The following GREB1L variants were observed in gnomAD, a reference collection of about 807,000 sequenced individuals.
The protein encoded by GREB1L is GREB1 like retinoic acid receptor coactivator, also known as GREB1-like protein.
In GREB1L, 17 loss-of-function variants were observed where a neutral mutation model predicts 200.8. The ratio of observed to expected loss-of-function variants is 0.08; its 90% confidence interval spans 0.06 to 0.13. GREB1L has a LOEUF of 0.13. Ranked by LOEUF, GREB1L falls within the 10% of genes least tolerant of loss-of-function variation. The probability of loss-of-function intolerance (pLI) is 1.00; values close to 1 mark genes in which losing one functional copy is unlikely to be tolerated. For synonymous variants in GREB1L, 789 were observed against 893.0 expected (o/e 0.88, Z 2.08); for missense variants, 1,657 against 2,367.7 (o/e 0.70, Z 6.23).
At chr18:21,317,514 G>C (rs1283788115) in intron 1 of GREB1L, 1 of 151,616 alleles carries the variant, frequency 6.6e-6, no homozygotes, top group Non-Finnish European at 1.5e-5. Flanking sequence ...CAGGCAGGAG[G>C]ATCACTTGAG....
At chr18:21,464,305 G>A (rs1482778064) in intron 15 of GREB1L, among the ~76,000 whole-genome samples, 4 of 151,960 alleles carry the variant, frequency 2.6e-5, no homozygotes, top group East Asian at 3.9e-4. Context: ...CGAGGGGGGC[G>A]GATCATGAGG....
chr18:21,486,800 A>G (rs772899169), intron 18 of GREB1L, among the ~76,000 whole-genome samples: 7 of 152,132 alleles, frequency 4.6e-5, no homozygotes, highest in South Asian at 4.1e-4. Flanking sequence ...TGATCATCCA[A>G]TGTTGGGGCG....
At chr18:21,456,655 G>A (rs947131950) in intron 15 of GREB1L, among the ~76,000 whole-genome samples, 22 of 152,186 alleles carry the variant, frequency 1.4e-4, no homozygotes, top group African/African-American at 5.3e-4. Context: ...CTTCTTTTTA[G>A]CCTCTCAGTT....
chr18:21,521,226 T>C (rs2037589756), intron 32 of GREB1L, among the ~76,000 whole-genome samples: 1 of 148,180 alleles, frequency 6.7e-6, no homozygotes, highest in African/African-American at 2.5e-5. Context: ...AAATACAAAA[T>C]CAGCCGGGCG....
rs573235226 is a variant in GREB1L at position 21,523,072 on chromosome 18, G to A, written c.*251G>A. On this transcript the variant is annotated 3_prime_UTR_variant, in exon 33 of 33. Coordinates refer to ENST00000424526, the MANE Select transcript of GREB1L (RefSeq NM_001142966.3). ...GCAGTTATGCAATTACTTAAGATAC[G>A]GTCTGCCCATGGGATCCTGAGGAGG... 7 of 364,854 alleles carry A rather than the reference G, an allele frequency of 1.9e-5. No individual in the cohort carries two copies. The highest frequency in any genetic ancestry group is 1.2e-4 in the South Asian group (2 of 16,840). The allele number at this position is 364,854 out of a possible 1,614,324, so 22.6% of individuals were successfully genotyped here. A position where few individuals can be genotyped will look rare whatever the true frequency, so the allele number is the denominator to read the frequency against.
At chr18:21,404,773 A>G (rs2029972225) in intron 7 of GREB1L, among the ~76,000 whole-genome samples, 1 of 152,248 alleles carries the variant, frequency 6.6e-6, no homozygotes, top group Admixed American at 6.5e-5. Context: ...ATCTTAGGCA[A>G]GAAGGAAAGT....
intron 23 of GREB1L, among the ~76,000 whole-genome samples, chr18:21,503,013 A>G (rs998593571): frequency 1.3e-5 from 2 of 152,202 alleles, no homozygotes; most frequent in African/African-American, 2.4e-5. Flanking sequence ...AAGAGGCACA[A>G]TGACACCTTT....
intron 1 of GREB1L, among the ~76,000 whole-genome samples, chr18:21,306,757 T>C (rs528282407): frequency 6.2e-4 from 95 of 152,354 alleles, no homozygotes; most frequent in African/African-American, 2.2e-3. Flanking sequence ...GACAACTTAC[T>C]ATTTCTTTTG....
At chr18:21,342,800 C>A (rs1195815274) in intron 1 of GREB1L, among the ~76,000 whole-genome samples, 2 of 152,108 alleles carry the variant, frequency 1.3e-5, no homozygotes, top group Non-Finnish European at 1.5e-5. Context: ...TTTTCTAATT[C>A]TCCTTGTTTT....
Position 21,505,510 on chromosome 18 carries a change from C to G in GREB1L, c.4171C>G (p.Pro1391Ala). The G allele has an allele frequency of 1.3e-6, 2 of 1,551,610 alleles. No individual in the cohort carries two copies. Among genetic ancestry groups the G allele is most frequent in the Non-Finnish European group, 1.7e-6 (2 of 1,146,940 alleles). Residue 1391 changes from proline (P) to alanine (A), a missense_variant, in exon 24 of 33, where the codon CCC (proline) becomes GCC (alanine). This residue lies in a region of GREB1L where 512 missense variants were observed against 668.3 expected (regional missense o/e 0.77). Transcript: ENST00000424526. ...GCCTTTTGATGTCAGTGTGCATGAC[C>G]CCAAGTACAGTTTGATGAGCCTGGT... ...KMPFDVSVHDPKYSLMSLVYT... is the reference protein window; with the variant it reads ...KMPFDVSVHDAKYSLMSLVYT...
At chr18:21,378,341 G>T (rs2143908752) in intron 2 of GREB1L, among the ~76,000 whole-genome samples, 1 of 151,862 alleles carries the variant, frequency 6.6e-6, no homozygotes, top group East Asian at 1.9e-4. Context: ...TTAAGTCTGG[G>T]GTCAGTTACG....
intron 32 of GREB1L, among the ~76,000 whole-genome samples, chr18:21,521,247 T>C (rs2037590302): frequency 6.6e-6 from 1 of 151,858 alleles, no homozygotes; most frequent in African/African-American, 2.4e-5. Flanking sequence ...TGGTGGCTCC[T>C]GTAATCCCAG....
intron 11 of GREB1L, 142 bp from the exon 12 acceptor site, chr18:21,449,368 G>A: frequency 1.8e-6 from 1 of 563,858 alleles, no homozygotes; most frequent in South Asian, 2.6e-5. Flanking sequence ...CTCTATACTT[G>A]TGACCACTCC....
chr18:21,459,975 AC>A (rs2145546770), intron 15 of GREB1L, among the ~76,000 whole-genome samples: 1 of 152,274 alleles, frequency 6.6e-6, no homozygotes, highest in Admixed American at 6.5e-5. Context: ...CACCACAGCC[AC>A]AATGACTGCC....
At chr18:21,381,111 G>A (rs1228720252) in intron 2 of GREB1L, among the ~76,000 whole-genome samples, 3 of 151,940 alleles carry the variant, frequency 2.0e-5, no homozygotes, top group South Asian at 2.1e-4. Context: ...GTGCAGTGGC[G>A]GGCGCCTGTA....
intron 1 of GREB1L, among the ~76,000 whole-genome samples, chr18:21,295,006 T>C (rs1264525121): frequency 6.6e-6 from 1 of 152,214 alleles, no homozygotes; most frequent in Non-Finnish European, 1.5e-5. Context: ...GTTTTTTGTC[T>C]CTAATTTCAT....
intron 27 of GREB1L, 131 bp from the exon 28 acceptor site, chr18:21,513,690 G>A: frequency 1.3e-6 from 1 of 744,106 alleles, no homozygotes. Flanking sequence ...CTGAACATTT[G>A]GTTGGCTCCC....
At chr18:21,346,732 A>C (rs1208310378) in intron 1 of GREB1L, among the ~76,000 whole-genome samples, 1 of 152,216 alleles carries the variant, frequency 6.6e-6, no homozygotes, top group Non-Finnish European at 1.5e-5. Flanking sequence ...GTAACAGTCC[A>C]AGACTGATAA....
intron 31 of GREB1L, among the ~76,000 whole-genome samples, chr18:21,519,457 C>CA (rs377259347): frequency 2.9e-4 from 44 of 151,476 alleles, no homozygotes; most frequent in African/African-American, 5.1e-4. Flanking sequence ...GACCCCATCT[C>CA]AAAAAAAACA....
Sources: gnomAD v4.1 joint callset for allele counts (sites outside exome capture counted in the v4.1 genomes callset) on GRCh38, gnomAD v4.1.1 for gene constraint, gnomAD v4.1.1 regional missense constraint, MANE v1.5 for transcripts, NCBI Gene and HGNC (gene_info 2026-07-23, HGNC 2026-07-21) for gene names.